The following ARID1B variants were observed in gnomAD, a reference collection of about 807,000 sequenced individuals.
ARID1B encodes the protein AT-rich interactive domain-containing protein 1B.
ARID1B carries 30 observed loss-of-function variants against 212.3 expected under a neutral mutation model. The observed-to-expected ratio is 0.14, with a 90% confidence interval of 0.11 to 0.19. The LOEUF (loss-of-function observed/expected upper bound fraction) is 0.19, where lower values mean the gene tolerates loss of function less well. Ranked by LOEUF, ARID1B falls within the 10% of genes least tolerant of loss-of-function variation. The pLI is 1.00. For missense variants in ARID1B, 2,891 were observed against 3,204.0 expected, an observed-to-expected ratio of 0.90 and a Z score of 2.36; for synonymous variants, 1,402 against 1,301.7, an observed-to-expected ratio of 1.08 and a Z score of -1.66.
Position 157,030,742 on chromosome 6 carries a change from C to G in ARID1B, c.2248-53920C>G, listed in dbSNP as rs77197073. 9.1e-4 allele frequency among the ~76,000 whole-genome samples: 138 copies of G among 152,318 alleles called. 1 individual carries two copies. In the East Asian group the frequency reaches 0.026, roughly 29 times the overall value. ...AAGTGTAATTATGTTAACATCACAC[C>G]GCCTTGAAATTGTGTCTTAGAGTAC... On this transcript the variant is annotated intron_variant, in intron 4 of 19. Coordinates refer to ENST00000636930, the MANE Select transcript of ARID1B (RefSeq NM_001374828.1).
chr6:157,087,676 T>C (rs1021928124), intron 5 of ARID1B, among the ~76,000 whole-genome samples: 23 of 152,318 alleles, frequency 1.5e-4, no homozygotes, highest in African/African-American at 5.1e-4. Flanking sequence ...TTTTGTGCAA[T>C]TCAGAAGACA....
intron 4 of ARID1B, among the ~76,000 whole-genome samples, chr6:157,042,801 G>T (rs1781976377): frequency 1.3e-5 from 2 of 151,932 alleles, no homozygotes; most frequent in Admixed American, 6.6e-5. Context: ...TGGGAATACA[G>T]ACCTGTGCCA....
At chr6:157,031,379 C>T (rs1781007544) in intron 4 of ARID1B, among the ~76,000 whole-genome samples, 1 of 152,200 alleles carries the variant, frequency 6.6e-6, no homozygotes, top group Non-Finnish European at 1.5e-5. Flanking sequence ...TTTTTATCCC[C>T]TGGACACCAA....
chr6:157,064,620 C>A (rs1165055205), intron 4 of ARID1B, among the ~76,000 whole-genome samples: 1 of 152,190 alleles, frequency 6.6e-6, no homozygotes, highest in African/African-American at 2.4e-5. Context: ...TCTGGATTCG[C>A]CGAGAACACT....
chr6:156,777,927 A>G lies in ARID1B; in HGVS notation c.247A>G (p.Asn83Asp), dbSNP rs797045266. ...CCCCCTGCTCCCCCGTCACGAACTC[A>G]ACATGGCCCATAACGCGGGCGCCGC... Reference protein sequence around the residue: ...HHPLLPRHELNMAHNAGAAAA... With the variant: ...HHPLLPRHELDMAHNAGAAAA... The change falls in exon 1 of 20, where the codon AAC becomes GAC. Residue 83 changes from asparagine to aspartate, a missense_variant. Physicochemically the swap from Asn to Asp is conservative, Grantham distance 23 (BLOSUM62 1). Coordinates refer to ENST00000636930, the MANE Select transcript of ARID1B (RefSeq NM_001374828.1). 4.5e-5 allele frequency: 69 copies of G among 1,524,840 alleles called. No homozygotes were observed. The highest frequency in any genetic ancestry group is 5.5e-5 in the Non-Finnish European group (63 of 1,143,172). The allele number at this position is 1,524,840 out of a possible 1,614,324, so 94.5% of individuals were successfully genotyped here.
chr6:156,910,955 A>G (rs928381935), intron 3 of ARID1B, among the ~76,000 whole-genome samples: 2 of 152,246 alleles, frequency 1.3e-5, no homozygotes, highest in Admixed American at 6.5e-5. Flanking sequence ...CTATATATGG[A>G]AAATGAAAAG....
chr6:157,145,044 G>A (rs143399664), intron 7 of ARID1B, among the ~76,000 whole-genome samples: 1 of 152,236 alleles, frequency 6.6e-6, no homozygotes, highest in East Asian at 1.9e-4. Context: ...TGCCTCTCCT[G>A]TTCCTGTTTC....
At position 157,161,879 on chromosome 6, in the gene ARID1B, A is replaced by G. The variant is rs138443495; in HGVS notation, c.3090-5161A>G. 8.5e-5 allele frequency among the ~76,000 whole-genome samples: 13 copies of G among 152,344 alleles called. No individual in the cohort carries two copies. The East Asian group carries it at 2.3e-3, about 27-fold the overall frequency. On this transcript the variant is annotated intron_variant, in intron 8 of 19. Transcript: ENST00000636930. ...ACATCTACAGTGACAGTCCGTATAG[A>G]GAAAGTTATGTACACCTGGCACTCG...
At chr6:156,929,328 C>T (rs1243081090) in intron 3 of ARID1B, among the ~76,000 whole-genome samples, 2 of 152,132 alleles carry the variant, frequency 1.3e-5, no homozygotes, top group African/African-American at 2.4e-5. Context: ...TGAAATTCAT[C>T]TACACACAGA....
chr6:156,960,655 T>G (rs1794309928), intron 4 of ARID1B, among the ~76,000 whole-genome samples: 1 of 152,232 alleles, frequency 6.6e-6, no homozygotes, highest in African/African-American at 2.4e-5. Flanking sequence ...TACTAGTCTT[T>G]GTATTTCATT....
At chr6:156,965,065 A>G (rs1184919259) in intron 4 of ARID1B, among the ~76,000 whole-genome samples, 2 of 152,262 alleles carry the variant, frequency 1.3e-5, no homozygotes, top group African/African-American at 4.8e-5. Context: ...ATACAGCTAC[A>G]TAAGTATTCT....
chr6:157,039,350 G>A (rs1421817609), intron 4 of ARID1B, among the ~76,000 whole-genome samples: 2 of 67,496 alleles, frequency 3.0e-5, no homozygotes, highest in Non-Finnish European at 5.9e-5. Context: ...TTGAGACGGA[G>A]TCTCGCTCTG....
chr6:156,968,718 C>CT (rs1776708927), intron 4 of ARID1B, among the ~76,000 whole-genome samples: 1 of 152,256 alleles, frequency 6.6e-6, no homozygotes, highest in African/African-American at 2.4e-5. Context: ...GGTGCCACCA[C>CT]TTCTAGCTCT....
At chr6:156,929,193 C>T (rs1582968343) in intron 3 of ARID1B, among the ~76,000 whole-genome samples, 1 of 152,210 alleles carries the variant, frequency 6.6e-6, no homozygotes, top group African/African-American at 2.4e-5. Context: ...CAGTACCTGT[C>T]ACAAGTCCCC....
chr6:156,950,183 A>G (rs1793475130), intron 4 of ARID1B, among the ~76,000 whole-genome samples: 1 of 152,236 alleles, frequency 6.6e-6, no homozygotes. Flanking sequence ...AGTGAGTAGC[A>G]AGATCACCTA....
chr6:157,167,224 T>TC lies in ARID1B; in HGVS notation c.3235+43dup, dbSNP rs1554228877. On this transcript the variant is annotated intron_variant, in intron 9 of 19. Coordinates refer to ENST00000636930, the MANE Select transcript of ARID1B (RefSeq NM_001374828.1). ...CTCTGCGCTCCTGAGCCCCTCTCTC[T>TC]CCCCTCTCCTCCTCTTAGGCTCCAC... 3 of 1,582,286 alleles carry TC rather than the reference T, an allele frequency of 1.9e-6. No individual in the cohort carries two copies. The South Asian group carries it at 3.4e-5, about 18-fold the overall frequency.
intron 4 of ARID1B, among the ~76,000 whole-genome samples, chr6:157,039,203 C>G (rs945945260): frequency 1.3e-5 from 2 of 151,668 alleles, no homozygotes; most frequent in Admixed American, 1.3e-4. Context: ...TAAGTTGAAA[C>G]AACAGTGAAA....
At chr6:156,783,399 G>C (rs1404534471) in intron 1 of ARID1B, among the ~76,000 whole-genome samples, 1 of 151,932 alleles carries the variant, frequency 6.6e-6, no homozygotes, top group Non-Finnish European at 1.5e-5. Flanking sequence ...TGTAGAGGAA[G>C]ACTTAATATA....
At chr6:156,889,884 T>C (rs530211636) in intron 2 of ARID1B, among the ~76,000 whole-genome samples, 1 of 152,306 alleles carries the variant, frequency 6.6e-6, no homozygotes, top group Non-Finnish European at 1.5e-5. Context: ...TTAATCAAAT[T>C]CTGTGTACAA....
Sources: gnomAD v4.1 joint callset for allele counts (sites outside exome capture counted in the v4.1 genomes callset) on GRCh38, gnomAD v4.1.1 for gene constraint, MANE v1.5 for transcripts, NCBI Gene and HGNC (gene_info 2026-07-23, HGNC 2026-07-21) for gene names.